The following IL13RA1 variants were observed in gnomAD, a reference collection of about 807,000 sequenced individuals.
IL13RA1 encodes interleukin-13 receptor subunit alpha-1.
In IL13RA1, 14 loss-of-function variants were observed where a neutral mutation model predicts 33.8. That is an observed-to-expected ratio of 0.41 (90% CI 0.27 to 0.65). IL13RA1 has a LOEUF of 0.65. IL13RA1 is among the 30% of genes least tolerant of loss of function. The probability of loss-of-function intolerance (pLI) is 0.28; values close to 1 mark genes in which losing one functional copy is unlikely to be tolerated. For missense variants in IL13RA1, 313 were observed against 327.0 expected (o/e 0.96, Z 0.33); for synonymous variants, 116 against 115.7 (o/e 1.00, Z -0.02).
chrX:118,779,377 TA>T (rs2017818032), intron 10 of IL13RA1, among the ~76,000 whole-genome samples: 1 of 111,761 alleles, frequency 8.9e-6, no homozygotes, highest in African/African-American at 3.3e-5. Flanking sequence ...AGAATTAGTT[TA>T]AAAAAATATG....
chrX:118,777,803 C>T (rs1464688591), intron 10 of IL13RA1, among the ~76,000 whole-genome samples: 1 of 111,518 alleles, frequency 9.0e-6, no homozygotes, highest in Non-Finnish European at 1.9e-5. Context: ...ATCATCCACC[C>T]TACTGAAATA....
intron 3 of IL13RA1, among the ~76,000 whole-genome samples, chrX:118,747,361 ACACACACT>A (rs1250947169): frequency 1.8e-5 from 2 of 109,438 alleles, no homozygotes; most frequent in African/African-American, 6.6e-5. Context: ...GCGCGCGCAC[ACACACACT>A]CACACACACA....
At chrX:118,741,655 AAGG>A (rs1239477127) in intron 2 of IL13RA1, among the ~76,000 whole-genome samples, 13 of 112,032 alleles carry the variant, frequency 1.2e-4, no homozygotes, top group Non-Finnish European at 2.4e-4. Context: ...CCCGCGGAAA[AAGG>A]AGGAAGACTT....
Sources: gnomAD v4.1 joint callset for allele counts (sites outside exome capture counted in the v4.1 genomes callset) on GRCh38, gnomAD v4.1.1 for gene constraint, MANE v1.5 for transcripts, NCBI Gene and HGNC (gene_info 2026-07-23, HGNC 2026-07-21) for gene names.